SHISA9: variants seen among roughly 807,000 people sequenced by gnomAD.
SHISA9 encodes protein shisa-9.
Under a neutral mutation model 38.0 loss-of-function variants are expected in SHISA9, and 13 were observed. The ratio of observed to expected loss-of-function variants is 0.34; its 90% CI spans 0.22 to 0.54. SHISA9 has a LOEUF of 0.54. Ranked by LOEUF, SHISA9 falls within the 20% of genes least tolerant of loss-of-function variation. SHISA9 has a pLI of 0.91. For missense variants in SHISA9, 538 were observed against 575.8 expected (o/e 0.93, Z 0.67); for synonymous variants, 275 against 242.0 (o/e 1.14, Z -1.27).
the SHISA9 span, among the ~76,000 whole-genome samples, chr16:13,388,376 A>G: frequency 5.3e-5 from 8 of 151,076 alleles, no homozygotes; most frequent in African/African-American, 1.2e-4. Flanking sequence ...CAGTGGCTCA[A>G]TCTCGGCTCA....
At chr16:13,487,069 C>T in the SHISA9 span, among the ~76,000 whole-genome samples, 1 of 152,170 alleles carries the variant, frequency 6.6e-6, no homozygotes, top group South Asian at 2.1e-4. Context: ...TAGTTGCCAG[C>T]CCATTTTTCT....
chr16:13,299,702 G>A, the SHISA9 span, among the ~76,000 whole-genome samples: 32 of 138,418 alleles, frequency 2.3e-4, no homozygotes, highest in African/African-American at 8.3e-4. Flanking sequence ...GACAGAGTGA[G>A]CCTCTGTCAA....
the SHISA9 span, among the ~76,000 whole-genome samples, chr16:13,539,001 C>T: frequency 2.6e-5 from 4 of 151,910 alleles, no homozygotes; most frequent in African/African-American, 4.8e-5. Context: ...AGAACTTTGA[C>T]GATTGGAAGG....
chr16:13,309,568 G>T, the SHISA9 span, among the ~76,000 whole-genome samples: 1 of 150,896 alleles, frequency 6.6e-6, no homozygotes, highest in Non-Finnish European at 1.5e-5. Flanking sequence ...ACTTGAACCC[G>T]GGAGGTGGAG....
intron 2 of SHISA9, among the ~76,000 whole-genome samples, chr16:13,195,141 T>C (rs1043954758): frequency 6.6e-6 from 1 of 152,200 alleles, no homozygotes; most frequent in Non-Finnish European, 1.5e-5. Flanking sequence ...GCACCTAGAT[T>C]TTGGTTTCTA....
chr16:13,043,532 T>C lies in SHISA9; in HGVS notation c.691+126717T>C, dbSNP rs557267592. Among the ~76,000 whole-genome samples the C allele has an allele frequency of 8.5e-5, 13 of 152,316 alleles. No individual in the cohort carries two copies. The East Asian group carries it at 2.3e-3, about 27-fold the overall frequency. Reference sequence around the variant, plus strand: ...CCATGACATTTAATGCAAAACACGTTATATTAATTGCAAAAACCACAATTA... The same window carrying C: ...CCATGACATTTAATGCAAAACACGTCATATTAATTGCAAAAACCACAATTA... On this transcript the variant is annotated intron_variant, in intron 2 of 4. Coordinates refer to ENST00000558583, the MANE Select transcript of SHISA9 (RefSeq NM_001145204.3).
the SHISA9 span, among the ~76,000 whole-genome samples, chr16:13,275,770 C>A: frequency 6.6e-6 from 1 of 151,746 alleles, no homozygotes; most frequent in African/African-American, 2.4e-5. Flanking sequence ...ACTAATATTC[C>A]TTTATTATCC....
intron 2 of SHISA9, among the ~76,000 whole-genome samples, chr16:13,152,913 T>G (rs1380238672): frequency 6.6e-6 from 1 of 152,218 alleles, no homozygotes; most frequent in Non-Finnish European, 1.5e-5. Context: ...AGGAAGATTT[T>G]CCTGGATTAC....
At chr16:13,168,875 C>T (rs1053562373) in intron 2 of SHISA9, among the ~76,000 whole-genome samples, 1 of 152,214 alleles carries the variant, frequency 6.6e-6, no homozygotes, top group African/African-American at 2.4e-5. Flanking sequence ...GCATCAATAC[C>T]TGCCTCACAG....
At chr16:13,344,715 C>A in the SHISA9 span, among the ~76,000 whole-genome samples, 1 of 152,252 alleles carries the variant, frequency 6.6e-6, no homozygotes, top group South Asian at 2.1e-4. Context: ...TTATTGGTCT[C>A]ATTTTATAGG....
At chr16:13,104,898 G>A (rs1276309312) in intron 2 of SHISA9, among the ~76,000 whole-genome samples, 2 of 152,074 alleles carry the variant, frequency 1.3e-5, no homozygotes, top group African/African-American at 4.8e-5. Context: ...TTTAGATTCT[G>A]ACAGACCTTA....
chr16:13,382,530 C>CAAAA, the SHISA9 span, among the ~76,000 whole-genome samples: 15 of 48,928 alleles, frequency 3.1e-4, no homozygotes, highest in Non-Finnish European at 4.9e-4. Flanking sequence ...AACTCCATCT[C>CAAAA]AAAAAAAAAA....
At chr16:13,419,253 A>T in the SHISA9 span, among the ~76,000 whole-genome samples, 3 of 152,236 alleles carry the variant, frequency 2.0e-5, no homozygotes, top group Non-Finnish European at 4.4e-5. Context: ...CTCAAACATT[A>T]AGTTTTATAG....
At chr16:13,102,347 G>T (rs2073886796) in intron 2 of SHISA9, among the ~76,000 whole-genome samples, 1 of 152,158 alleles carries the variant, frequency 6.6e-6, no homozygotes, top group South Asian at 2.1e-4. Context: ...CAGATATAGG[G>T]CTGCTATTCT....
Position 13,236,464 on chromosome 16 carries a change from G to A in SHISA9, c.*1055G>A, listed in dbSNP as rs1324091860. ...CACAGAAACAAGTCCTCTATAAACTGTATGTCCCTGACATCCCTTTCCCTT... is the reference window on the plus strand; with the variant it reads ...CACAGAAACAAGTCCTCTATAAACTATATGTCCCTGACATCCCTTTCCCTT... On this transcript the variant is annotated 3_prime_UTR_variant, in exon 5 of 5. Transcript: ENST00000558583. The A allele has an allele frequency of 6.6e-6, 1 of 152,128 alleles. No individual in the cohort carries two copies. The highest frequency in any genetic ancestry group is 2.4e-5 in the African/African-American group (1 of 41,404). 9.4% of individuals were successfully genotyped at this position (152,128 alleles called of 1,614,324 possible).
intron 2 of SHISA9, among the ~76,000 whole-genome samples, chr16:13,040,271 C>T (rs1045178801): frequency 1.5e-4 from 23 of 152,232 alleles, no homozygotes; most frequent in Non-Finnish European, 7.3e-5. Context: ...TTTGCCTTGA[C>T]TACCCAGTTC....
chr16:13,507,072 T>C, the SHISA9 span, among the ~76,000 whole-genome samples: 1 of 150,626 alleles, frequency 6.6e-6, no homozygotes, highest in East Asian at 1.9e-4. Context: ...CCACCATGTA[T>C]ATATATATAT....
At chr16:13,021,146 G>A (rs2072848407) in intron 2 of SHISA9, among the ~76,000 whole-genome samples, 2 of 152,196 alleles carry the variant, frequency 1.3e-5, no homozygotes, top group Non-Finnish European at 1.5e-5. Context: ...CTCTCGAAGC[G>A]ATGGCTCTCA....
At chr16:13,036,477 G>A (rs1322946526) in intron 2 of SHISA9, among the ~76,000 whole-genome samples, 2 of 152,072 alleles carry the variant, frequency 1.3e-5, no homozygotes, top group South Asian at 2.1e-4. Context: ...GAGGTTGGGG[G>A]GTTATTAAGG....
Sources: allele counts gnomAD v4.1 joint callset (sites outside exome capture counted in the v4.1 genomes callset), GRCh38; gene constraint gnomAD v4.1.1; transcripts MANE v1.5; gene names NCBI Gene and HGNC (gene_info 2026-07-23, HGNC 2026-07-21).